The following FSHR variants were observed in gnomAD, a reference collection of about 807,000 sequenced individuals.
FSHR encodes follicle stimulating hormone receptor, also known as follicle-stimulating hormone receptor.
A neutral mutation model predicts 52.1 loss-of-function variants in FSHR; 46 were observed. That is an observed-to-expected ratio of 0.88 (90% confidence interval 0.70 to 1.13). FSHR has a LOEUF of 1.13. Ranked by LOEUF, FSHR falls within the 50% of genes most tolerant of loss-of-function variation. The pLI is 0.00. For missense variants in FSHR, 964 were observed against 834.6 expected (o/e 1.16, Z -1.91); for synonymous variants, 399 against 309.6 (o/e 1.29, Z -3.03).
chr2:49,050,237 T>C (rs1668805083), intron 2 of FSHR, among the ~76,000 whole-genome samples: 1 of 152,156 alleles, frequency 6.6e-6, no homozygotes, highest in Non-Finnish European at 1.5e-5. Flanking sequence ...CTAAGTTAAT[T>C]TGCAACTTAA....
At chr2:48,987,383 A>G (rs986794350) in intron 6 of FSHR, among the ~76,000 whole-genome samples, 1 of 149,624 alleles carries the variant, frequency 6.7e-6, no homozygotes, top group Non-Finnish European at 1.5e-5. Context: ...TTTTTTTTTT[A>G]TATATTTTTA....
intron 2 of FSHR, among the ~76,000 whole-genome samples, chr2:49,034,150 AC>A (rs1458385684): frequency 2.6e-5 from 4 of 152,314 alleles, no homozygotes; most frequent in African/African-American, 9.6e-5. Context: ...AGGAGAACTT[AC>A]AGTGATTGAC....
chr2:49,017,543 T>C lies in FSHR; in HGVS notation c.320A>G (p.Asn107Ser), dbSNP rs1336738341. 6.2e-7 allele frequency: 1 copy of C among 1,613,382 alleles called. No homozygotes were observed. Among genetic ancestry groups the C allele is most frequent in the East Asian group, 2.2e-5 (1 of 44,860 alleles). ...GGCCTCAGGGTTGATGTAGAGCAGG[T>C]TGTTGGCCTTTTCAATTCTACTGTA... ...LHEIRIEKAN[N>S]LLYINPEAFQ... The change falls in exon 4 of 10, where the codon AAC becomes AGC. Residue 107 changes from asparagine to serine, a missense_variant. Physicochemically the swap from Asn to Ser is conservative, Grantham distance 46. Transcript: ENST00000406846.
chr2:49,143,713 T>C (rs1026922766), intron 1 of FSHR, among the ~76,000 whole-genome samples: 3 of 152,328 alleles, frequency 2.0e-5, no homozygotes, highest in East Asian at 3.9e-4. Context: ...GAACTAGTAC[T>C]GACAGCATCC....
chr2:48,985,423 T>G (rs1362844352), intron 6 of FSHR, among the ~76,000 whole-genome samples: 1 of 24,142 alleles, frequency 4.1e-5, no homozygotes, highest in Admixed American at 4.6e-4. Flanking sequence ...GTAACGCATA[T>G]CACTCATTTT....
chr2:49,127,912 A>T (rs1672123529), intron 1 of FSHR, among the ~76,000 whole-genome samples: 1 of 36,920 alleles, frequency 2.7e-5, no homozygotes, highest in African/African-American at 8.9e-5. Flanking sequence ...TTTTTTTTTG[A>T]GACGGAGTCT....
At chr2:49,134,705 C>T (rs1416621638) in intron 1 of FSHR, among the ~76,000 whole-genome samples, 1 of 152,172 alleles carries the variant, frequency 6.6e-6, no homozygotes, top group East Asian at 1.9e-4. Context: ...GAAAATGTGA[C>T]ACATATACAC....
chr2:49,067,963 C>G (rs566763365), intron 2 of FSHR, among the ~76,000 whole-genome samples: 1 of 151,614 alleles, frequency 6.6e-6, no homozygotes, highest in Non-Finnish European at 1.5e-5. Flanking sequence ...CACCGGTACT[C>G]TGGGAGCAAC....
chr2:48,963,978 C>T lies in FSHR; in HGVS notation c.855-12G>A. ...GATGAAGCTCAGAGCTAGAAAAATA[C>T]AAAAAGAAATAGAATCAACATCTCA... On this transcript the variant is annotated splice_polypyrimidine_tract_variant and intron_variant, in intron 9 of 9. Transcript: ENST00000406846. 1.2e-6 allele frequency: 2 copies of T among 1,609,636 alleles called. No individual in the cohort carries two copies. Among genetic ancestry groups the T allele is most frequent in the Non-Finnish European group, 1.7e-6 (2 of 1,179,072 alleles).
chr2:49,043,347 A>C (rs1668546869), intron 2 of FSHR, among the ~76,000 whole-genome samples: 1 of 152,184 alleles, frequency 6.6e-6, no homozygotes, highest in South Asian at 2.1e-4. Flanking sequence ...AATGCAACCC[A>C]TAAAAACATA....
At chr2:48,971,728 G>A (rs1040090447) in intron 8 of FSHR, among the ~76,000 whole-genome samples, 2 of 152,146 alleles carry the variant, frequency 1.3e-5, no homozygotes, top group Non-Finnish European at 2.9e-5. Context: ...GATTTGTATA[G>A]TTCTAGTTTT....
intron 1 of FSHR, 61 bp from the exon 2 acceptor site, chr2:49,068,351 A>G: frequency 7.4e-7 from 1 of 1,352,908 alleles, no homozygotes; most frequent in Non-Finnish European, 1.1e-6. Context: ...TTGAGTTGCT[A>G]ATGTATTCAT....
At position 48,982,848 on chromosome 2, in the gene FSHR, G is replaced by A. The variant is rs1675313601; in HGVS notation, c.668+64C>T. The A allele has an allele frequency of 2.2e-6, 3 of 1,370,018 alleles. No homozygotes were observed. The East Asian group carries it at 6.9e-5, about 31-fold the overall frequency. The allele number at this position is 1,370,018 out of a possible 1,614,324, so 84.9% of individuals were successfully genotyped here. On this transcript the variant is annotated intron_variant, in intron 8 of 9. Coordinates refer to ENST00000406846, the MANE Select transcript of FSHR (RefSeq NM_000145.4). Reference sequence around the variant, plus strand: ...GTTGGAAGCTTCTCCCCTAGCTGCAGAGAGTTGACTTCTAACTTACACAAA... The same window carrying A: ...GTTGGAAGCTTCTCCCCTAGCTGCAAAGAGTTGACTTCTAACTTACACAAA...
At chr2:49,124,677 C>A (rs1467954916) in intron 1 of FSHR, among the ~76,000 whole-genome samples, 1 of 152,142 alleles carries the variant, frequency 6.6e-6, no homozygotes, top group Non-Finnish European at 1.5e-5. Flanking sequence ...AGAATCCGAC[C>A]CCTTCTCATC....
At position 49,080,360 on chromosome 2, in the gene FSHR, A is replaced by C. The variant is rs559925149; in HGVS notation, c.153-12070T>G. ...GTTATTCCATGTCCTTCTCTCTGCC[A>C]CATGTACACCTGGGGTCAGACAAAA... On this transcript the variant is annotated intron_variant, in intron 1 of 9. Coordinates refer to ENST00000406846, the MANE Select transcript of FSHR (RefSeq NM_000145.4). 4.1e-4 allele frequency among the ~76,000 whole-genome samples: 63 copies of C among 152,336 alleles called. No homozygotes were observed. In the South Asian group the frequency reaches 0.011, roughly 27 times the overall value.
intron 2 of FSHR, among the ~76,000 whole-genome samples, chr2:49,059,905 A>G (rs1421366778): frequency 6.6e-6 from 1 of 152,178 alleles, no homozygotes; most frequent in African/African-American, 2.4e-5. Flanking sequence ...GAAACAATCA[A>G]TATAGTGAAA....
chr2:49,019,159 T>C (rs1400222303), intron 3 of FSHR, among the ~76,000 whole-genome samples: 1 of 152,242 alleles, frequency 6.6e-6, no homozygotes, highest in Non-Finnish European at 1.5e-5. Context: ...AAACACACAA[T>C]ATCCTTCTTG....
rs1378226963 is a variant in FSHR at position 49,020,296 on chromosome 2, G to A, written c.225-136C>T. 5 of 774,658 alleles carry A rather than the reference G, an allele frequency of 6.5e-6. No individual in the cohort carries two copies. The East Asian group carries it at 1.0e-4, about 15-fold the overall frequency. 48.0% of individuals were successfully genotyped at this position (774,658 alleles called of 1,614,324 possible). On this transcript the variant is annotated intron_variant, in intron 2 of 9. Transcript: ENST00000406846. ...TCCTTTCCTGCCATTAAAGAAGTCAGCTGTAGTAATAAGGCAAAACTAACA... is the reference window on the plus strand; with the variant it reads ...TCCTTTCCTGCCATTAAAGAAGTCAACTGTAGTAATAAGGCAAAACTAACA...
At chr2:49,015,192 G>T (rs1667435764) in intron 4 of FSHR, among the ~76,000 whole-genome samples, 1 of 152,096 alleles carries the variant, frequency 6.6e-6, no homozygotes, top group Admixed American at 6.6e-5. Context: ...GTTCTATTTG[G>T]ATTCCAGTCC....
Sources: gnomAD v4.1 joint callset for allele counts (sites outside exome capture counted in the v4.1 genomes callset) on GRCh38, gnomAD v4.1.1 for gene constraint, MANE v1.5 for transcripts, NCBI Gene and HGNC (gene_info 2026-07-23, HGNC 2026-07-21) for gene names.